Variants in PKD2L2 observed in about 807,000 individuals in gnomAD.
The protein encoded by PKD2L2 is polycystin-2-like protein 2.
PKD2L2 carries 67 observed loss-of-function variants against 83.9 expected under a neutral mutation model. That is an observed-to-expected ratio of 0.80 (90% CI 0.66 to 0.98). PKD2L2 has a LOEUF of 0.98. PKD2L2 is among the 50% of genes least tolerant of loss of function. The pLI, the probability that PKD2L2 is intolerant of heterozygous loss-of-function variation, is 0.00. For synonymous variants in PKD2L2, 223 were observed against 237.8 expected (o/e 0.94, Z 0.57); for missense variants, 632 against 717.2 (o/e 0.88, Z 1.36).
At chr5:137,927,703 A>G (rs1759492262) in intron 12 of PKD2L2, among the ~76,000 whole-genome samples, 1 of 152,238 alleles carries the variant, frequency 6.6e-6, no homozygotes. Flanking sequence ...ATACTTCAGG[A>G]GGAAAAAATA....
chr5:137,918,066 A>T lies in PKD2L2; in HGVS notation c.1329-3570A>T, dbSNP rs1455007040. Among the ~76,000 whole-genome samples the T allele has an allele frequency of 2.6e-5, 4 of 152,348 alleles. No homozygotes were observed. The East Asian group carries it at 7.7e-4, about 29-fold the overall frequency. Reference sequence around the variant, plus strand: ...GACCATGTCTGTACAAAAAATAAAAAATAATAAAAATTCAAACCAGACATT... The same window carrying T: ...GACCATGTCTGTACAAAAAATAAAATATAATAAAAATTCAAACCAGACATT... On this transcript the variant is annotated intron_variant, in intron 8 of 14. Transcript: ENST00000508883.
chr5:137,941,072 A>AT (rs1581028698), intron 14 of PKD2L2, among the ~76,000 whole-genome samples: 1 of 151,560 alleles, frequency 6.6e-6, no homozygotes, highest in Non-Finnish European at 1.5e-5. Flanking sequence ...CGCCTGCCTA[A>AT]TTTTTTTTGT....
intron 12 of PKD2L2, among the ~76,000 whole-genome samples, chr5:137,927,272 A>C (rs367875530): frequency 1.3e-5 from 2 of 152,230 alleles, no homozygotes; most frequent in Non-Finnish European, 2.9e-5. Flanking sequence ...GCCTGATAGG[A>C]GGCCATGAGA....
chr5:137,912,793 TTTTC>T (rs1233922800), intron 8 of PKD2L2, among the ~76,000 whole-genome samples: 1 of 131,272 alleles, frequency 7.6e-6, no homozygotes, highest in Non-Finnish European at 1.6e-5. Context: ...GGATTATTTG[TTTTC>T]TTTCTTTCTT....
chr5:137,892,614 G>T lies in PKD2L2; in HGVS notation c.267+1G>T, dbSNP rs747239546. 30 of 1,610,744 alleles carry T rather than the reference G, an allele frequency of 1.9e-5. No homozygotes were observed. Among genetic ancestry groups the T allele is most frequent in the African/African-American group, 4.0e-5 (3 of 74,724 alleles). On this transcript the variant is annotated splice_donor_variant, in intron 3 of 14. Coordinates refer to ENST00000508883, the MANE Select transcript of PKD2L2 (RefSeq NM_001300921.2). LOFTEE classifies it high-confidence loss of function. ...TCGCAGCATAACTGATTTTTGGAAG[G>T]TAAAGTATCTTGTGACTGTGGATGA...
chr5:137,892,333 T>A, intron 2 of PKD2L2, 147 bp from the exon 3 acceptor site: 2 of 409,702 alleles, frequency 4.9e-6, no homozygotes, highest in Non-Finnish European at 8.3e-6. Context: ...CTTTTTATAT[T>A]TCTAGTTTAG....
In PKD2L2 at chr5:137,942,725, T is replaced by C. The variant is rs1762221780; in HGVS notation, c.*359T>C. 3 of 621,030 alleles carry C rather than the reference T, an allele frequency of 4.8e-6. No individual in the cohort carries two copies. The highest frequency in any genetic ancestry group is 7.8e-6 in the Non-Finnish European group (3 of 383,042). 38.5% of individuals were successfully genotyped at this position (621,030 alleles called of 1,614,324 possible). ...ATTTAAAAATGGGAATGACAATAAA[T>C]ATTTGCAAATCACACTTGAAAAGCA... On this transcript the variant is annotated 3_prime_UTR_variant, in exon 15 of 15. Coordinates refer to ENST00000508883, the MANE Select transcript of PKD2L2 (RefSeq NM_001300921.2).
At position 137,916,475 on chromosome 5, in the gene PKD2L2, C is replaced by CTTT. The variant is rs1169529107; in HGVS notation, c.1329-5141_1329-5139dup. 5.4e-3 allele frequency among the ~76,000 whole-genome samples: 501 copies of CTTT among 93,082 alleles called. 3 individuals are homozygous for CTTT. Among genetic ancestry groups the CTTT allele is most frequent in the Non-Finnish European group, 6.2e-3 (310 of 50,026 alleles). The allele number at this position is 93,082 out of a possible 152,430, so 61.1% of individuals were successfully genotyped here. A position where few individuals can be genotyped will look rare whatever the true frequency, so the allele number is the denominator to read the frequency against. On this transcript the variant is annotated intron_variant, in intron 8 of 14. Transcript: ENST00000508883. ...AAGATTCTTAATTGCCACTTTTCTT[C>CTTT]TTTTTTTTTTTTTTTTTTTTTTGAG...
At position 137,906,565 on chromosome 5, in the gene PKD2L2, GTACTGGGAATAGTAC is replaced by G. The variant is rs2150019547; in HGVS notation, c.975+136_975+150del. 3 of 570,800 alleles carry G rather than the reference GTACTGGGAATAGTAC, an allele frequency of 5.3e-6. No homozygotes were observed. In the East Asian group the frequency reaches 8.7e-5, roughly 17 times the overall value. The allele number at this position is 570,800 out of a possible 1,614,324, so 35.4% of individuals were successfully genotyped here. ...AAGCTACAAGTATCAAACATAAAAT[GTACTGGGAATAGTAC>G]TACTAATGGGTGCCTCCAAAAGGGA... On this transcript the variant is annotated intron_variant, in intron 6 of 14. Transcript: ENST00000508883.
Position 137,921,680 on chromosome 5 carries a change from G to C in PKD2L2, c.1373G>C (p.Gly458Ala). ...RIVLGDFNFA[G>A]IQQANPILGP... Reference sequence around the variant, plus strand: ...GTTCTTGGAGATTTTAATTTTGCTGGTATTCAGCAAGCCAATCCTATCTTG... The same window carrying C: ...GTTCTTGGAGATTTTAATTTTGCTGCTATTCAGCAAGCCAATCCTATCTTG... The change falls in exon 9 of 15, where the codon GGT becomes GCT. Residue 458 changes from glycine to alanine, a missense_variant. Around this residue, in one of 3 missense-constraint regions of PKD2L2, gnomAD observed 399 missense variants for 416.9 expected, o/e 0.96. Coordinates refer to ENST00000508883, the MANE Select transcript of PKD2L2 (RefSeq NM_001300921.2). 1 of 1,601,076 alleles carries C rather than the reference G, an allele frequency of 6.2e-7. No individual in the cohort carries two copies. Among genetic ancestry groups the C allele is most frequent in the Non-Finnish European group, 8.5e-7 (1 of 1,171,590 alleles).
At chr5:137,902,708 A>C (rs962610157) in intron 5 of PKD2L2, among the ~76,000 whole-genome samples, 1 of 152,084 alleles carries the variant, frequency 6.6e-6, no homozygotes. Flanking sequence ...TAGTGACATC[A>C]ATGACATATA....
chr5:137,921,057 T>A (rs1334880804), intron 8 of PKD2L2, among the ~76,000 whole-genome samples: 1 of 152,100 alleles, frequency 6.6e-6, no homozygotes, highest in Non-Finnish European at 1.5e-5. Context: ...AACAGGTATC[T>A]CAGGTTCAAA....
At chr5:137,936,545 T>G in intron 14 of PKD2L2, 118 bp downstream of exon 14, 1 of 703,286 alleles carries the variant, frequency 1.4e-6, no homozygotes, top group Non-Finnish European at 2.2e-6. Context: ...AAACTCCACC[T>G]CCCGGGTTCA....
intron 8 of PKD2L2, among the ~76,000 whole-genome samples, chr5:137,914,072 A>G (rs1447674140): frequency 3.5e-5 from 2 of 57,536 alleles, no homozygotes; most frequent in African/African-American, 7.1e-5. Context: ...TTTTTTTTTG[A>G]TAGAGACAAG....
At chr5:137,907,505 G>A (rs1032554630) in intron 6 of PKD2L2, among the ~76,000 whole-genome samples, 1 of 152,142 alleles carries the variant, frequency 6.6e-6, no homozygotes, top group Non-Finnish European at 1.5e-5. Context: ...AAGAAACAAA[G>A]ATTTAGATAG....
intron 5 of PKD2L2, among the ~76,000 whole-genome samples, chr5:137,905,449 G>T (rs59623598): frequency 6.6e-6 from 1 of 152,162 alleles, no homozygotes; most frequent in South Asian, 2.1e-4. Context: ...CTGAGGTTTT[G>T]TTTTTGTTGT....
At position 137,940,080 on chromosome 5, in the gene PKD2L2, T is replaced by C. The variant is rs758505215; in HGVS notation, c.*18-2304T>C. 3.7e-6 allele frequency: 6 copies of C among 1,614,034 alleles called. No homozygotes were observed. In the African/African-American group the frequency reaches 4.0e-5, roughly 11 times the overall value. Reference sequence around the variant, plus strand: ...GGCCTACTTACTCTCCCATCATTTGTTTTGTTTAGTGGCACCACAACCAAG... The same window carrying C: ...GGCCTACTTACTCTCCCATCATTTGCTTTGTTTAGTGGCACCACAACCAAG... On this transcript the variant is annotated intron_variant, in intron 14 of 14. Transcript: ENST00000508883.
In PKD2L2 at chr5:137,923,340, T is replaced by A; in HGVS notation, c.1450-80T>A. On this transcript the variant is annotated intron_variant, in intron 9 of 14. Coordinates refer to ENST00000508883, the MANE Select transcript of PKD2L2 (RefSeq NM_001300921.2). The stretch of plus-strand genomic sequence containing the variant: ...TACTTTTAAAATTTAAATATAATTT[T>A]ACAAACCCAAAACTTGTTAAAGTCA... The A allele has an allele frequency of 4.0e-6, 3 of 742,962 alleles. No homozygotes were observed. The South Asian group carries it at 4.9e-5, about 12-fold the overall frequency. 46.0% of individuals were successfully genotyped at this position (742,962 alleles called of 1,614,324 possible).
intron 1 of PKD2L2, 124 bp downstream of exon 1, chr5:137,889,646 C>T (rs940880630): frequency 7.9e-6 from 6 of 760,722 alleles, no homozygotes; most frequent in Non-Finnish European, 1.2e-5. Flanking sequence ...TTAGCCCTCA[C>T]AGCCTCCCCT....
Sources: allele counts gnomAD v4.1 joint callset (sites outside exome capture counted in the v4.1 genomes callset), GRCh38; gene constraint gnomAD v4.1.1; regional missense constraint gnomAD v4.1.1; transcripts MANE v1.5; gene names NCBI Gene and HGNC (gene_info 2026-07-23, HGNC 2026-07-21).